The following AGO2 variants were observed in gnomAD, a reference collection of about 807,000 sequenced individuals.
AGO2 encodes argonaute RISC catalytic component 2.
Under a neutral mutation model 102.3 loss-of-function variants are expected in AGO2, and 5 were observed. The observed-to-expected ratio is 0.05, with a 90% CI of 0.03 to 0.10. AGO2 has a LOEUF of 0.10. AGO2 is among the 10% of genes least tolerant of loss of function. AGO2 has a pLI of 1.00. For missense variants in AGO2, 541 were observed against 1,183.7 expected, an observed-to-expected ratio of 0.46 and a Z score of 7.97; for synonymous variants, 449 against 473.1, an observed-to-expected ratio of 0.95 and a Z score of 0.66.
Position 140,541,376 on chromosome 8 carries a change from G to A in AGO2, c.1840-18C>T. 6.3e-7 allele frequency: 1 copy of A among 1,585,940 alleles called. No individual in the cohort carries two copies. The highest frequency in any genetic ancestry group is 8.6e-7 in the Non-Finnish European group (1 of 1,168,554). ...CCCACCACCTGCAGGAACAGGCAGTGAGTGTGGTCAGGGGTTCCCAAAACT... is the reference window on the plus strand; with the variant it reads ...CCCACCACCTGCAGGAACAGGCAGTAAGTGTGGTCAGGGGTTCCCAAAACT... On this transcript the variant is annotated intron_variant, in intron 14 of 18. Coordinates refer to ENST00000220592, the MANE Select transcript of AGO2 (RefSeq NM_012154.5).
At chr8:140,602,564 T>C (rs535273170) in intron 1 of AGO2, among the ~76,000 whole-genome samples, 70 of 152,292 alleles carry the variant, frequency 4.6e-4, no homozygotes, top group African/African-American at 1.6e-3. Flanking sequence ...AAAATCTCCC[T>C]GTAAGCTTCA....
intron 3 of AGO2, among the ~76,000 whole-genome samples, chr8:140,568,512 C>G (rs569455337): frequency 9.4e-4 from 143 of 152,278 alleles, no homozygotes; most frequent in African/African-American, 3.3e-3. Context: ...CGGGGCCTCC[C>G]TGGGGCGGCA....
rs189775208 is a variant in AGO2, at chr8:140,628,814, G to A, written c.22+6671C>T. 7.2e-5 allele frequency among the ~76,000 whole-genome samples: 11 copies of A among 151,838 alleles called. No individual in the cohort carries two copies. In the East Asian group the frequency reaches 9.7e-4, roughly 13 times the overall value. ...ACAATAATAATAATAGGCCGGGCGC[G>A]GTGGCTCACACCTGTAATCCCAGCA... is the stretch of plus-strand genomic sequence containing the variant. On this transcript the variant is annotated intron_variant, in intron 1 of 18. Coordinates refer to ENST00000220592, the MANE Select transcript of AGO2 (RefSeq NM_012154.5).
chr8:140,627,418 A>G (rs954388709), intron 1 of AGO2, among the ~76,000 whole-genome samples: 2 of 152,234 alleles, frequency 1.3e-5, no homozygotes, highest in African/African-American at 2.4e-5. Context: ...TGCAGCTGCA[A>G]GATGAAAGTT....
rs757337595 is a variant in AGO2, at chr8:140,567,881, G to A, written c.336+4931C>T. Among the ~76,000 whole-genome samples the A allele has an allele frequency of 4.6e-5, 7 of 152,168 alleles. No individual in the cohort carries two copies. Among genetic ancestry groups the A allele is most frequent in the East Asian group, 1.9e-4 (1 of 5,188 alleles). On this transcript the variant is annotated intron_variant, in intron 3 of 18. Transcript: ENST00000220592. This position sits in a 1 kb window ranked among gnomAD's most constrained non-coding sequence, Gnocchi z 5.0. ...GGCTCACGCCTGTAATCCCAGTACC[G>A]TGGGAGGCCGAGGCGGGCTGGATCG...
At chr8:140,542,688 G>A (rs913910011) in intron 14 of AGO2, among the ~76,000 whole-genome samples, 1 of 152,234 alleles carries the variant, frequency 6.6e-6, no homozygotes, top group East Asian at 1.9e-4. Flanking sequence ...GGTGGGGACA[G>A]GGGAGGGCGC....
chr8:140,582,550 AT>A (rs1227281169), intron 2 of AGO2, among the ~76,000 whole-genome samples: 1 of 152,196 alleles, frequency 6.6e-6, no homozygotes, highest in African/African-American at 2.4e-5. Context: ...CAATCAAATT[AT>A]TTTTTTTAAA....
intron 1 of AGO2, among the ~76,000 whole-genome samples, chr8:140,627,484 G>A (rs963549580): frequency 6.6e-6 from 1 of 152,174 alleles, no homozygotes; most frequent in Non-Finnish European, 1.5e-5. Context: ...ACAAAACAGA[G>A]CTGAAACACT....
At chr8:140,532,330 GCCCCTT>G in intron 18 of AGO2, 80 bp downstream of exon 18, 1 of 1,500,468 alleles carries the variant, frequency 6.7e-7, no homozygotes, top group South Asian at 1.2e-5. Flanking sequence ...CTGGGGCCCT[GCCCCTT>G]CCCCTTCCAG....
chr8:140,540,313 C>G lies in AGO2; in HGVS notation c.2034+851G>C, dbSNP rs1343338725. ...TGATCAAGGCCGGGGAGTTCCTAAG[C>G]TCCTGGGGCAGCCACGGAGGATGTC... On this transcript the variant is annotated intron_variant, in intron 15 of 18. Transcript: ENST00000220592. This position sits in a 1 kb window ranked among gnomAD's most constrained non-coding sequence, Gnocchi z 5.0. Among the ~76,000 whole-genome samples, 7 of 152,178 alleles carry G rather than the reference C, an allele frequency of 4.6e-5. No homozygotes were observed. The highest frequency in any genetic ancestry group is 8.8e-5 in the Non-Finnish European group (6 of 68,040).
intron 1 of AGO2, among the ~76,000 whole-genome samples, chr8:140,614,050 C>T (rs995222285): frequency 1.4e-5 from 2 of 142,540 alleles, no homozygotes; most frequent in African/African-American, 2.6e-5. Flanking sequence ...AGGCCAGACA[C>T]GGTGGCTCAC....
chr8:140,559,631 G>A, intron 5 of AGO2, 102 bp from the exon 6 acceptor site: 2 of 1,490,188 alleles, frequency 1.3e-6, no homozygotes, highest in Non-Finnish European at 1.8e-6. Flanking sequence ...GCCATGGTGG[G>A]GACACCCGGC....
rs1353467910 is a variant in AGO2, at chr8:140,528,242, A to C, written c.*3802T>G. Reference sequence around the variant, plus strand: ...TTAGGCAATTTATAAAAGTTGGGGAAATAATTTCTATCATATCCATTAGGT... The same window carrying C: ...TTAGGCAATTTATAAAAGTTGGGGACATAATTTCTATCATATCCATTAGGT... On this transcript the variant is annotated 3_prime_UTR_variant, in exon 19 of 19. Coordinates refer to ENST00000220592, the MANE Select transcript of AGO2 (RefSeq NM_012154.5). The surrounding 1 kb of genome is among the most constrained non-coding windows in gnomAD (Gnocchi z 4.5). 1 of 152,266 alleles carries C rather than the reference A, an allele frequency of 6.6e-6. No individual in the cohort carries two copies. The highest frequency in any genetic ancestry group is 1.9e-4 in the East Asian group (1 of 5,204). 9.4% of individuals were successfully genotyped at this position (152,266 alleles called of 1,614,324 possible). A position where few individuals can be genotyped will look rare whatever the true frequency, so the allele number is the denominator to read the frequency against.
rs1418597234 is a variant in AGO2 at position 140,539,688 on chromosome 8, G to A, written c.2035-234C>T. Among the ~76,000 whole-genome samples the A allele has an allele frequency of 1.3e-5, 2 of 152,230 alleles. No individual in the cohort carries two copies. The highest frequency in any genetic ancestry group is 2.9e-5 in the Non-Finnish European group (2 of 68,034). On this transcript the variant is annotated intron_variant, in intron 15 of 18. Coordinates refer to ENST00000220592, the MANE Select transcript of AGO2 (RefSeq NM_012154.5). The surrounding 1 kb of genome is among the most constrained non-coding windows in gnomAD (Gnocchi z 4.7). ...AATGGGAAGAACACTTCCCCTGGAG[G>A]GCCCAGGAGGTTGTGTGTGTGCAAG...
rs113009134 is a variant in AGO2, at chr8:140,544,297, C to G, written c.1755G>C (p.Pro585=). ...GAAAGATGACGGGCTGCTGGAACACCGGCGGCCTGCGGAGAGGAGTGGCGT... is the reference window on the plus strand; with the variant it reads ...GAAAGATGACGGGCTGCTGGAACACGGGCGGCCTGCGGAGAGGAGTGGCGT... ...NNILLPQGRP[P]VFQQPVIFLG... Residue 585 remains proline, a synonymous_variant, in exon 14 of 19, where the codon CCG becomes CCC. Coordinates refer to ENST00000220592, the MANE Select transcript of AGO2 (RefSeq NM_012154.5). 3 of 1,601,082 alleles carry G rather than the reference C, an allele frequency of 1.9e-6. No individual in the cohort carries two copies. The highest frequency in any genetic ancestry group is 2.6e-6 in the Non-Finnish European group (3 of 1,174,870).
At chr8:140,573,368 A>G (rs1294085355) in intron 2 of AGO2, among the ~76,000 whole-genome samples, 1 of 151,584 alleles carries the variant, frequency 6.6e-6, no homozygotes, top group Non-Finnish European at 1.5e-5. Context: ...TAGTAGATAC[A>G]AGGTTTCATC....
chr8:140,583,360 T>C (rs2073587508), intron 2 of AGO2, among the ~76,000 whole-genome samples: 1 of 152,228 alleles, frequency 6.6e-6, no homozygotes, highest in South Asian at 2.1e-4. Flanking sequence ...AAATCCCCTC[T>C]CATATCTATA....
chr8:140,572,003 G>T (rs1160002142), intron 3 of AGO2: 2 of 152,120 alleles, frequency 1.3e-5, no homozygotes, highest in Non-Finnish European at 2.9e-5. Flanking sequence ...AAGTGCTGGG[G>T]TTACAGGTGT....
At position 140,540,328 on chromosome 8, in the gene AGO2, C is replaced by T. The variant is rs1035333584; in HGVS notation, c.2034+836G>A. Among the ~76,000 whole-genome samples the T allele has an allele frequency of 6.6e-6, 1 of 152,104 alleles. No individual in the cohort carries two copies. The highest frequency in any genetic ancestry group is 1.5e-5 in the Non-Finnish European group (1 of 68,018). ...AGTTCCTAAGCTCCTGGGGCAGCCA[C>T]GGAGGATGTCTTCCCACCCCACTGG... is the stretch of plus-strand genomic sequence containing the variant. On this transcript the variant is annotated intron_variant, in intron 15 of 18. Coordinates refer to ENST00000220592, the MANE Select transcript of AGO2 (RefSeq NM_012154.5). The surrounding 1 kb of genome is among the most constrained non-coding windows in gnomAD (Gnocchi z 5.0).
Sources: allele counts gnomAD v4.1 joint callset (sites outside exome capture counted in the v4.1 genomes callset), GRCh38; gene constraint gnomAD v4.1.1; non-coding constraint Gnocchi (gnomAD v3.1); transcripts MANE v1.5; gene names NCBI Gene and HGNC (gene_info 2026-07-23, HGNC 2026-07-21).